Variants in SERPINA12 observed in about 807,000 individuals in gnomAD.
SERPINA12 encodes the protein serpin family A member 12, also known as serpin A12.
SERPINA12 carries 21 observed loss-of-function variants against 25.9 expected under a neutral mutation model. That is an observed-to-expected ratio of 0.81 (90% CI 0.58 to 1.17). SERPINA12 has a LOEUF of 1.17. SERPINA12 is among the 50% of genes most tolerant of loss of function. The pLI, the probability that SERPINA12 is intolerant of heterozygous loss-of-function variation, is 0.00. For synonymous variants in SERPINA12, 220 were observed against 196.0 expected (o/e 1.12, Z -1.02); for missense variants, 562 against 508.3 (o/e 1.11, Z -1.02).
At chr14:94,514,858 T>C (rs893239795) in intron 2 of SERPINA12, among the ~76,000 whole-genome samples, 1 of 151,740 alleles carries the variant, frequency 6.6e-6, no homozygotes, top group Non-Finnish European at 1.5e-5. Flanking sequence ...AGTGTGGAGG[T>C]GGGCAAGGAT....
chr14:94,508,725 C>G (rs1000936900), intron 1 of SERPINA12, among the ~76,000 whole-genome samples: 6 of 152,088 alleles, frequency 3.9e-5, no homozygotes. Context: ...AGATAGAGAG[C>G]TAATGTTCTT....
intron 3 of SERPINA12, among the ~76,000 whole-genome samples, chr14:94,490,081 C>G (rs1453717836): frequency 6.6e-6 from 1 of 152,174 alleles, no homozygotes; most frequent in Non-Finnish European, 1.5e-5. Context: ...ACTGTAGTCG[C>G]TGCCATGCCT....
At chr14:94,488,325 C>T (rs1899988866) in intron 4 of SERPINA12, among the ~76,000 whole-genome samples, 1 of 152,030 alleles carries the variant, frequency 6.6e-6, no homozygotes, top group African/African-American at 2.4e-5. Context: ...CCTTCCCAGA[C>T]TGGCTTGAAC....
upstream of SERPINA12, chr14:94,511,600 G>A: frequency 1.0e-6 from 1 of 985,420 alleles, no homozygotes; most frequent in Non-Finnish European, 1.2e-6. Flanking sequence ...ACCACCTTCA[G>A]TTTTCCATCT....
At chr14:94,492,593 T>C (rs1454876528) in intron 3 of SERPINA12, among the ~76,000 whole-genome samples, 1 of 152,214 alleles carries the variant, frequency 6.6e-6, no homozygotes, top group Non-Finnish European at 1.5e-5. Context: ...TATGCTGATG[T>C]AGGAAAGTGA....
rs764140205 is a variant in SERPINA12, at chr14:94,509,454, G to A, written c.-146C>T. On this transcript the variant is annotated 5_prime_UTR_variant, in exon 1 of 5. Coordinates refer to ENST00000677451, the MANE Select transcript of SERPINA12 (RefSeq NM_001382267.1). ...TCGGTCCTGGTCCTGCAGCCTTCAG[G>A]TTCCAGGTATGTTCCTCTAGGCTCC... Among the ~76,000 whole-genome samples, 6 of 152,020 alleles carry A rather than the reference G, an allele frequency of 3.9e-5. No individual in the cohort carries two copies. The highest frequency in any genetic ancestry group is 1.2e-4 in the African/African-American group (5 of 41,364).
chr14:94,511,874 G>T, upstream of SERPINA12: 1 of 231,082 alleles, frequency 4.3e-6, no homozygotes, highest in Non-Finnish European at 7.1e-6. Context: ...AAGGCAGGTG[G>T]ATTGCTTGAG....
chr14:94,515,897 C>T (rs1901220783), exon 2 of SERPINA12: 2 of 152,240 alleles, frequency 1.3e-5, no homozygotes, highest in African/African-American at 4.8e-5. Flanking sequence ...CCATCCACTT[C>T]CTGGGATATT....
At chr14:94,495,060 C>CTTTATTTTT (rs1427863532) in intron 3 of SERPINA12, among the ~76,000 whole-genome samples, 2 of 127,486 alleles carry the variant, frequency 1.6e-5, no homozygotes, top group African/African-American at 3.5e-5. Context: ...CAGAATTTCC[C>CTTTATTTTT]TTTCTTTTTT....
At chr14:94,511,872 T>C (rs534424946), upstream of SERPINA12, 4 of 244,952 alleles carry the variant, frequency 1.6e-5, no homozygotes, top group Non-Finnish European at 2.6e-5. Context: ...CCAAGGCAGG[T>C]GGATTGCTTG....
chr14:94,516,196 G>A (rs1024497953), intron 1 of SERPINA12: 1 of 152,346 alleles, frequency 6.6e-6, no homozygotes, highest in Non-Finnish European at 1.5e-5. Flanking sequence ...GCAGGGATTA[G>A]GTCTCCCAGT....
chr14:94,514,932 A>C (rs1378982458), intron 2 of SERPINA12, among the ~76,000 whole-genome samples: 1 of 152,198 alleles, frequency 6.6e-6, no homozygotes, highest in Non-Finnish European at 1.5e-5. Context: ...CAGGGCCCCG[A>C]GGCAGAGGCC....
chr14:94,512,297 G>C (rs552345545), upstream of SERPINA12, among the ~76,000 whole-genome samples: 20 of 152,286 alleles, frequency 1.3e-4, no homozygotes, highest in Admixed American at 1.0e-3. Flanking sequence ...ACAGCAAGCT[G>C]GGCCACCTCA....
chr14:94,506,956 AGCT>A (rs1486912170), intron 1 of SERPINA12, among the ~76,000 whole-genome samples: 2 of 152,226 alleles, frequency 1.3e-5, no homozygotes, highest in Non-Finnish European at 2.9e-5. Context: ...GAGACAGACA[AGCT>A]GACCAATGGA....
intron 1 of SERPINA12, among the ~76,000 whole-genome samples, chr14:94,505,564 A>T (rs1487762932): frequency 1.3e-5 from 2 of 152,182 alleles, no homozygotes; most frequent in African/African-American, 4.8e-5. Context: ...AGGTGGTCCT[A>T]TTGTGACTGT....
intron 3 of SERPINA12, among the ~76,000 whole-genome samples, chr14:94,491,564 A>C (rs564576213): frequency 1.3e-5 from 2 of 152,248 alleles, no homozygotes; most frequent in African/African-American, 4.8e-5. Flanking sequence ...CTAGTGTGGT[A>C]GTCACATGTT....
At chr14:94,514,783 G>A (rs116093286) in intron 2 of SERPINA12, among the ~76,000 whole-genome samples, 2,137 of 152,304 alleles carry the variant, frequency 0.014, 46 homozygotes, top group African/African-American at 0.048. Flanking sequence ...GTGGGGCTTT[G>A]AGTCTGTAGT....
chr14:94,503,146 T>C (rs1266014456), intron 1 of SERPINA12: 4 of 946,628 alleles, frequency 4.2e-6, no homozygotes, highest in Non-Finnish European at 2.5e-6. Context: ...AATCACTCTA[T>C]ATACATCAGA....
chr14:94,487,350 G>T lies in SERPINA12; in HGVS notation c.1198C>A (p.Pro400Thr), dbSNP rs1356786486. Residue 400 changes from proline to threonine, a missense_variant, in exon 5 of 5, where the codon CCT becomes ACT. Coordinates refer to ENST00000677451, the MANE Select transcript of SERPINA12 (RefSeq NM_001382267.1). ...YLLLIYSEKIPSVLFLGKIVN... is the reference protein window; with the variant it reads ...YLLLIYSEKITSVLFLGKIVN... ...ATCTTTCCCAGGAAGAGCACGGAAG[G>T]TATTTTCTCGCTGTAAATCAGCAGC... 6.2e-7 allele frequency: 1 copy of T among 1,614,086 alleles called. No individual in the cohort carries two copies. The highest frequency in any genetic ancestry group is 8.5e-7 in the Non-Finnish European group (1 of 1,180,002).
Sources: allele counts gnomAD v4.1 joint callset (sites outside exome capture counted in the v4.1 genomes callset), GRCh38; gene constraint gnomAD v4.1.1; transcripts MANE v1.5; gene names NCBI Gene and HGNC (gene_info 2026-07-23, HGNC 2026-07-21).